SIN3A: variants seen among roughly 807,000 people sequenced by gnomAD.
SIN3A encodes SIN3 transcription regulator family member A, also known as paired amphipathic helix protein Sin3a.
Under a neutral mutation model 146.1 loss-of-function variants are expected in SIN3A, and 14 were observed. That is an observed-to-expected ratio of 0.10 (90% CI 0.06 to 0.15). The LOEUF is 0.15. SIN3A is among the 10% of genes least tolerant of loss of function. The pLI, the probability that SIN3A is intolerant of heterozygous loss-of-function variation, is 1.00. For missense variants in SIN3A, 1,028 were observed against 1,576.0 expected, an observed-to-expected ratio of 0.65 and a Z score of 5.89; for synonymous variants, 572 against 572.0, an observed-to-expected ratio of 1.00 and a Z score of 0.00.
chr15:75,455,508 G>A (rs1331720202), upstream of SIN3A: 1 of 152,280 alleles, frequency 6.6e-6, no homozygotes, highest in Non-Finnish European at 1.5e-5. Flanking sequence ...TAGGCTACAC[G>A]GCCGGCGCAG....
At chr15:75,423,976 C>G (rs1432434810) in intron 2 of SIN3A, among the ~76,000 whole-genome samples, 4 of 151,930 alleles carry the variant, frequency 2.6e-5, no homozygotes, top group African/African-American at 4.8e-5. Flanking sequence ...GCCTAGAAAA[C>G]AGAGCAAGAC....
chr15:75,408,497 G>A (rs922215600), intron 8 of SIN3A, among the ~76,000 whole-genome samples: 7 of 152,160 alleles, frequency 4.6e-5, no homozygotes, highest in Non-Finnish European at 1.5e-5. Flanking sequence ...AGACATATCT[G>A]TCTCTTCTAT....
In SIN3A at chr15:75,392,488, T is replaced by G; in HGVS notation, c.2605A>C (p.Ser869Arg). 6.2e-7 allele frequency: 1 copy of G among 1,614,242 alleles called. No homozygotes were observed. ...CTTAATTTTTGAGCTGCTGTGTTACTAAACAGTAACTTGGACTTAGGGGGA... is the reference window on the plus strand; with the variant it reads ...CTTAATTTTTGAGCTGCTGTGTTACGAAACAGTAACTTGGACTTAGGGGGA... ...GSPPKSKLLF[S>R]NTAAQKLRGM... Residue 869 changes from serine to arginine, a missense_variant, in exon 15 of 21, where the codon AGT (serine) becomes CGT (arginine). Physicochemically the swap from Ser to Arg is moderately radical, Grantham distance 110 (BLOSUM62 -1). This residue lies in a region of SIN3A where 488 missense variants were observed against 690.2 expected (regional missense o/e 0.71). Coordinates refer to ENST00000394947, the MANE Select transcript of SIN3A (RefSeq NM_001145358.2).
intron 18 of SIN3A, 60 bp from the exon 19 acceptor site, chr15:75,380,783 T>C: frequency 4.5e-6 from 5 of 1,112,408 alleles, no homozygotes; most frequent in Non-Finnish European, 6.9e-6. Context: ...TCCTAATGCA[T>C]TGGGCACTCT....
At chr15:75,451,153 A>C in intron 1 of SIN3A, among the ~76,000 whole-genome samples, 1 of 147,428 alleles carries the variant, frequency 6.8e-6, no homozygotes. Context: ...CTTTCTCCAC[A>C]ATCGCACGCG....
intron 11 of SIN3A, among the ~76,000 whole-genome samples, 163 bp downstream of exon 11, chr15:75,400,567 T>C (rs944128063): frequency 6.6e-6 from 1 of 152,184 alleles, no homozygotes; most frequent in African/African-American, 2.4e-5. Flanking sequence ...AACGAAACCC[T>C]GTCTCAAAAA....
At position 75,380,714 on chromosome 15, in the gene SIN3A, C is replaced by G. The variant is rs752478066; in HGVS notation, c.3298G>C (p.Asp1100His). 7 of 1,613,678 alleles carry G rather than the reference C, an allele frequency of 4.3e-6. No homozygotes were observed. Among genetic ancestry groups the G allele is most frequent in the African/African-American group, 1.3e-5 (1 of 75,020 alleles). The change falls in exon 19 of 21, where the codon GAC (aspartate) becomes CAC (histidine). Residue 1100 changes from aspartate to histidine, a missense_variant. Transcript: ENST00000394947. ...DDPVEAERWS[D>H]YVERYMNSDT... Reference sequence around the variant, plus strand: ...GAATTCATGTATCGCTCCACGTAGTCTGACCAGCGCTAAGATGGCAAACAC... The same window carrying G: ...GAATTCATGTATCGCTCCACGTAGTGTGACCAGCGCTAAGATGGCAAACAC...
intron 5 of SIN3A, 135 bp from the exon 6 acceptor site, chr15:75,411,878 C>T: frequency 1.2e-6 from 1 of 852,678 alleles, no homozygotes. Context: ...TTTAGTCCAA[C>T]ACAAATCATA....
At chr15:75,407,902 A>C (rs2073549070) in intron 8 of SIN3A, among the ~76,000 whole-genome samples, 1 of 148,616 alleles carries the variant, frequency 6.7e-6, no homozygotes, top group South Asian at 2.1e-4. Context: ...CAAAAAAAAA[A>C]AAAAAAAAAA....
chr15:75,416,037 G>GT, intron 3 of SIN3A: 1 of 317,474 alleles, frequency 3.1e-6, no homozygotes, highest in South Asian at 3.5e-5. Context: ...TGCATTTTTG[G>GT]TAACTGTGTA....
intron 20 of SIN3A, among the ~76,000 whole-genome samples, chr15:75,373,282 A>G (rs6495171): frequency 0.87 from 132,046 of 152,104 alleles, 57,407 homozygotes; most frequent in Non-Finnish European, 0.87. Flanking sequence ...AGAGGCTGAG[A>G]CAAGAGAATC....
chr15:75,454,719 CGCA>C (rs1228948969), upstream of SIN3A, among the ~76,000 whole-genome samples: 1 of 151,810 alleles, frequency 6.6e-6, no homozygotes, highest in Non-Finnish European at 1.5e-5. Flanking sequence ...CCGAGCGGTC[CGCA>C]GCAGCACCTC....
upstream of SIN3A, among the ~76,000 whole-genome samples, chr15:75,451,921 C>G (rs368631866): frequency 1.7e-4 from 26 of 151,848 alleles, no homozygotes; most frequent in African/African-American, 5.3e-4. Context: ...CTATTGGAGA[C>G]GGACTGCTGA....
chr15:75,440,836 G>T (rs2074195440), intron 1 of SIN3A, among the ~76,000 whole-genome samples: 1 of 151,956 alleles, frequency 6.6e-6, no homozygotes. Context: ...CAAAAAATTA[G>T]CCAGGCGTGG....
At chr15:75,438,633 G>C (rs1379247779) in intron 1 of SIN3A, among the ~76,000 whole-genome samples, 1 of 151,984 alleles carries the variant, frequency 6.6e-6, no homozygotes, top group Non-Finnish European at 1.5e-5. Flanking sequence ...AGGCTACAGT[G>C]AGCTGTGATT....
At position 75,410,011 on chromosome 15, in the gene SIN3A, G is replaced by A. The variant is rs756662113; in HGVS notation, c.1162-20C>T. Reference sequence around the variant, plus strand: ...TAAAAGCTGATTAAGACACATGAATGAGATTAATGCTCTTATCAAAGCAAA... The same window carrying A: ...TAAAAGCTGATTAAGACACATGAATAAGATTAATGCTCTTATCAAAGCAAA... On this transcript the variant is annotated intron_variant, in intron 7 of 20. Transcript: ENST00000394947. 3.1e-6 allele frequency: 5 copies of A among 1,613,346 alleles called. No individual in the cohort carries two copies. In the South Asian group the frequency reaches 5.5e-5, roughly 18 times the overall value.
chr15:75,446,770 C>T (rs2074314570), intron 1 of SIN3A, among the ~76,000 whole-genome samples: 1 of 151,918 alleles, frequency 6.6e-6, no homozygotes, highest in Non-Finnish European at 1.5e-5. Context: ...AAATTACAGA[C>T]ATATCCTTTT....
At chr15:75,437,973 T>C (rs1431841330) in intron 1 of SIN3A, among the ~76,000 whole-genome samples, 1 of 151,628 alleles carries the variant, frequency 6.6e-6, no homozygotes, top group Non-Finnish European at 1.5e-5. Context: ...TAAGCAAGAT[T>C]GCACCACTGC....
intron 9 of SIN3A, among the ~76,000 whole-genome samples, chr15:75,403,087 T>C (rs900325862): frequency 1.3e-5 from 2 of 152,126 alleles, no homozygotes; most frequent in African/African-American, 4.8e-5. Flanking sequence ...AGCTGGATGG[T>C]AGGTACGTGA....
Sources: gnomAD v4.1 joint callset for allele counts (sites outside exome capture counted in the v4.1 genomes callset) on GRCh38, gnomAD v4.1.1 for gene constraint, gnomAD v4.1.1 regional missense constraint, MANE v1.5 for transcripts, NCBI Gene and HGNC (gene_info 2026-07-23, HGNC 2026-07-21) for gene names.